Variants in ADK observed in about 807,000 individuals in gnomAD.
ADK encodes N6,N6-dimethyladenosine kinase.
Under a neutral mutation model 44.7 loss-of-function variants are expected in ADK, and 24 were observed. That is an observed-to-expected ratio of 0.54 (90% CI 0.39 to 0.76). The LOEUF (loss-of-function observed/expected upper bound fraction) is 0.76, where lower values mean the gene tolerates loss of function less well. Among genes scored for constraint, ADK ranks in the 30% least tolerant of loss-of-function variants. The pLI, the probability that ADK is intolerant of heterozygous loss-of-function variation, is 0.00. For missense variants in ADK, 321 were observed against 425.1 expected, an observed-to-expected ratio of 0.76 and a Z score of 2.15; for synonymous variants, 128 against 142.6, an observed-to-expected ratio of 0.90 and a Z score of 0.73.
chr10:74,555,151 C>T (rs1034872056), intron 7 of ADK, among the ~76,000 whole-genome samples: 2 of 152,106 alleles, frequency 1.3e-5, no homozygotes, highest in Non-Finnish European at 2.9e-5. Context: ...AGAAAATTAG[C>T]CCTGCATGGC....
chr10:74,366,972 A>G (rs1213375311), intron 4 of ADK, among the ~76,000 whole-genome samples: 1 of 152,146 alleles, frequency 6.6e-6, no homozygotes, highest in Non-Finnish European at 1.5e-5. Context: ...GTGCTATGAA[A>G]CCACACATTG....
intron 6 of ADK, chr10:74,423,934 A>G: frequency 4.7e-6 from 1 of 213,806 alleles, no homozygotes; most frequent in Admixed American, 4.8e-5. Flanking sequence ...GTGGAGGACA[A>G]GGCTGGATTT....
At chr10:74,530,401 C>T (rs779233724) in intron 7 of ADK, 4 of 152,138 alleles carry the variant, frequency 2.6e-5, no homozygotes, top group Non-Finnish European at 5.9e-5. Flanking sequence ...ATCAAACACA[C>T]TTGGCCCTTA....
intron 3 of ADK, among the ~76,000 whole-genome samples, chr10:74,267,057 A>G (rs1385539573): frequency 6.6e-6 from 1 of 152,242 alleles, no homozygotes; most frequent in Non-Finnish European, 1.5e-5. Context: ...CAATATGACA[A>G]AAGTTTACAT....
intron 6 of ADK, among the ~76,000 whole-genome samples, chr10:74,448,795 A>T (rs1333370908): frequency 6.6e-6 from 1 of 152,138 alleles, no homozygotes; most frequent in Non-Finnish European, 1.5e-5. Flanking sequence ...ATACTTGTGT[A>T]TACATGTTAT....
chr10:74,215,542 C>T (rs2132207625), intron 2 of ADK, among the ~76,000 whole-genome samples: 1 of 152,154 alleles, frequency 6.6e-6, no homozygotes, highest in Middle Eastern at 3.4e-3. Context: ...CCAGGCTGGT[C>T]TCAAACTCCT....
chr10:74,532,354 T>A (rs995124546), intron 7 of ADK, among the ~76,000 whole-genome samples: 4 of 151,872 alleles, frequency 2.6e-5, no homozygotes, highest in Non-Finnish European at 4.4e-5. Flanking sequence ...GGTGGGCACC[T>A]GTAATTCCAG....
intron 9 of ADK, among the ~76,000 whole-genome samples, chr10:74,650,370 G>A (rs192044785): frequency 3.1e-4 from 47 of 152,074 alleles, no homozygotes; most frequent in Non-Finnish European, 5.9e-4. Context: ...CCAAGATCTC[G>A]CCACTGCACT....
intron 7 of ADK, among the ~76,000 whole-genome samples, chr10:74,536,480 G>T (rs1356620583): frequency 2.4e-5 from 2 of 82,658 alleles, no homozygotes; most frequent in Non-Finnish European, 3.5e-5. Context: ...TTTAATTCTG[G>T]TAAAAAAAAA....
intron 10 of ADK, among the ~76,000 whole-genome samples, chr10:74,698,705 T>A (rs11001113): frequency 0.44 from 66,705 of 151,864 alleles, 16,769 homozygotes; most frequent in Middle Eastern, 0.6. Flanking sequence ...TACATGTATG[T>A]ACCACCACGC....
chr10:74,338,868 A>G (rs1040172843), intron 4 of ADK, among the ~76,000 whole-genome samples: 3 of 152,192 alleles, frequency 2.0e-5, no homozygotes, highest in Non-Finnish European at 4.4e-5. Context: ...TGAGTACATG[A>G]ATCTTTACAG....
chr10:74,579,726 C>G (rs555131155), intron 7 of ADK, among the ~76,000 whole-genome samples: 1 of 152,258 alleles, frequency 6.6e-6, no homozygotes, highest in Non-Finnish European at 1.5e-5. Flanking sequence ...AGAGATAGAG[C>G]ACACACACTG....
intron 2 of ADK, among the ~76,000 whole-genome samples, chr10:74,205,802 A>AAT (rs1171468619): frequency 1.3e-5 from 2 of 152,148 alleles, no homozygotes; most frequent in African/African-American, 2.4e-5. Flanking sequence ...GACAAAATCT[A>AAT]ATATCTATTC....
chr10:74,165,262 T>G (rs988234423), intron 1 of ADK, among the ~76,000 whole-genome samples: 3 of 152,134 alleles, frequency 2.0e-5, no homozygotes, highest in Admixed American at 6.6e-5. Context: ...TTATTAGTGC[T>G]TGATGAGGTA....
At chr10:74,408,101 T>C (rs1293580292) in intron 6 of ADK, among the ~76,000 whole-genome samples, 1 of 151,988 alleles carries the variant, frequency 6.6e-6, no homozygotes, top group Non-Finnish European at 1.5e-5. Flanking sequence ...TGCGTCAGTC[T>C]ACCCAGTAGC....
chr10:74,511,051 A>G (rs1224853562), intron 6 of ADK, among the ~76,000 whole-genome samples: 1 of 152,172 alleles, frequency 6.6e-6, no homozygotes, highest in Non-Finnish European at 1.5e-5. Context: ...AGTGAGAGGT[A>G]GAAGTGTAGT....
At chr10:74,414,319 T>C (rs1844291643) in intron 6 of ADK, among the ~76,000 whole-genome samples, 1 of 152,260 alleles carries the variant, frequency 6.6e-6, no homozygotes, top group Admixed American at 6.5e-5. Context: ...GAGTTCAGTT[T>C]CTAATGTTTT....
intron 3 of ADK, among the ~76,000 whole-genome samples, chr10:74,309,556 T>C (rs1840366399): frequency 6.6e-6 from 1 of 152,208 alleles, no homozygotes; most frequent in Non-Finnish European, 1.5e-5. Context: ...AAATCTCTTA[T>C]AAGCAGAGTT....
chr10:74,567,004 G>A (rs1279757931), intron 7 of ADK, among the ~76,000 whole-genome samples: 7 of 152,144 alleles, frequency 4.6e-5, no homozygotes, highest in Admixed American at 4.6e-4. Context: ...AGTTAGAAAA[G>A]ACTTTAGAAA....
Sources: allele counts gnomAD v4.1 joint callset (sites outside exome capture counted in the v4.1 genomes callset), GRCh38; gene constraint gnomAD v4.1.1; transcripts MANE v1.5; gene names NCBI Gene and HGNC (gene_info 2026-07-23, HGNC 2026-07-21).